The following PRDM16 variants were observed in gnomAD, a reference collection of about 807,000 sequenced individuals.
PRDM16 encodes the protein histone-lysine N-methyltransferase PRDM16.
Under a neutral mutation model 110.6 loss-of-function variants are expected in PRDM16, and 23 were observed. The ratio of observed to expected loss-of-function variants is 0.21; its 90% CI spans 0.15 to 0.29. The LOEUF is 0.29. Ranked by LOEUF, PRDM16 falls within the 10% of genes least tolerant of loss-of-function variation. The probability of loss-of-function intolerance (pLI) is 1.00; values close to 1 mark genes in which losing one functional copy is unlikely to be tolerated. For missense variants in PRDM16, 1,615 were observed against 1,794.3 expected (o/e 0.90, Z 1.81); for synonymous variants, 799 against 781.8 (o/e 1.02, Z -0.37).
At chr1:3,221,864 A>G (rs1639158444) in intron 2 of PRDM16, among the ~76,000 whole-genome samples, 1 of 152,262 alleles carries the variant, frequency 6.6e-6, no homozygotes, top group Non-Finnish European at 1.5e-5. Flanking sequence ...TTCCTCATGG[A>G]GAATTCACTC....
At chr1:3,408,375 AGAG>A (rs1429806579) in intron 8 of PRDM16, among the ~76,000 whole-genome samples, 4 of 152,302 alleles carry the variant, frequency 2.6e-5, no homozygotes, top group Admixed American at 2.0e-4. Flanking sequence ...GAGCGAGAGG[AGAG>A]GAGAACAGGA....
chr1:3,111,389 A>G (rs1240725107), intron 1 of PRDM16, among the ~76,000 whole-genome samples: 1 of 145,530 alleles, frequency 6.9e-6, no homozygotes, highest in African/African-American at 2.5e-5. Flanking sequence ...AAGTCCACAC[A>G]TGGAGGCAGG....
In PRDM16 at chr1:3,435,457, A is replaced by G. The variant is rs1638881965; in HGVS notation, c.*1646A>G. The G allele has an allele frequency of 4.3e-6, 1 of 230,472 alleles. No individual in the cohort carries two copies. The highest frequency in any genetic ancestry group is 1.8e-4 in the South Asian group (1 of 5,504). The allele number at this position is 230,472 out of a possible 1,614,324, so 14.3% of individuals were successfully genotyped here. ...TGTCCCTGCTGCCGTTTACCAGACA[A>G]TCATATGTTTTTGTTAAATTTGCGT... On this transcript the variant is annotated 3_prime_UTR_variant, in exon 17 of 17. Transcript: ENST00000270722.
chr1:3,378,010 C>T (rs761530921), intron 3 of PRDM16, among the ~76,000 whole-genome samples: 8 of 152,174 alleles, frequency 5.3e-5, no homozygotes, highest in Non-Finnish European at 1.0e-4. Context: ...AAAACAGGCC[C>T]GGCTCCCAGA....
chr1:3,121,779 G>C (rs866270176), intron 1 of PRDM16, among the ~76,000 whole-genome samples: 3 of 152,168 alleles, frequency 2.0e-5, no homozygotes, highest in Non-Finnish European at 4.4e-5. Context: ...CTGCGGGGCC[G>C]GCCAGGCCTC....
At chr1:3,203,165 G>C (rs4308918) in intron 2 of PRDM16, among the ~76,000 whole-genome samples, 2 of 152,188 alleles carry the variant, frequency 1.3e-5, no homozygotes, top group African/African-American at 2.4e-5. Context: ...GAACCTCGTC[G>C]TCTGTTGCTT....
At chr1:3,073,839 C>G (rs1269089004) in intron 1 of PRDM16, among the ~76,000 whole-genome samples, 2 of 152,092 alleles carry the variant, frequency 1.3e-5, no homozygotes, top group African/African-American at 4.8e-5. Context: ...CAGCTTGGAC[C>G]CCGGGGTCCC....
intron 3 of PRDM16, among the ~76,000 whole-genome samples, chr1:3,264,943 T>C (rs1640252849): frequency 6.6e-6 from 1 of 151,996 alleles, no homozygotes. Flanking sequence ...GGCAAGGGAC[T>C]GGGCAGTGGA....
intron 3 of PRDM16, among the ~76,000 whole-genome samples, chr1:3,348,830 C>G (rs1302031536): frequency 6.6e-6 from 1 of 152,198 alleles, no homozygotes; most frequent in African/African-American, 2.4e-5. Context: ...CTCAGAGCTT[C>G]CCGCATCTGC....
intron 3 of PRDM16, among the ~76,000 whole-genome samples, chr1:3,293,412 G>C (rs1402106440): frequency 1.3e-5 from 2 of 152,204 alleles, no homozygotes; most frequent in African/African-American, 2.4e-5. Context: ...TGTGGGTAAA[G>C]GTTGTATTGC....
chr1:3,145,920 A>G, intron 1 of PRDM16, among the ~76,000 whole-genome samples: 1 of 152,066 alleles, frequency 6.6e-6, no homozygotes, highest in East Asian at 1.9e-4. Flanking sequence ...GACGTCCTGG[A>G]GAGGTCCCCC....
At chr1:3,288,122 G>A (rs1003908089) in intron 3 of PRDM16, among the ~76,000 whole-genome samples, 21 of 152,230 alleles carry the variant, frequency 1.4e-4, no homozygotes, top group African/African-American at 4.3e-4. Flanking sequence ...TCCACACAGC[G>A]CATGACAAAC....
chr1:3,411,718 C>A lies in PRDM16; in HGVS notation c.1521C>A (p.Phe507Leu), dbSNP rs981777423. The A allele has an allele frequency of 6.2e-7, 1 of 1,611,328 alleles. No homozygotes were observed. Among genetic ancestry groups the A allele is most frequent in the African/African-American group, 1.3e-5 (1 of 75,022 alleles). Reference sequence around the variant, plus strand: ...CCTTCTCCACGGCGCCTCCCACGTTCCCCGCACTCACCCCCGGCTTCCCGG... The same window carrying A: ...CCTTCTCCACGGCGCCTCCCACGTTACCCGCACTCACCCCCGGCTTCCCGG... ...SLPFSTAPPT[F>L]PALTPGFPGI... Residue 507 changes from phenylalanine (F) to leucine (L), a missense_variant, in exon 9 of 17, where the codon TTC becomes TTA. Phe to Leu is a conservative substitution (Grantham distance 22). This residue lies in a region of PRDM16 where 772 missense variants were observed against 748.3 expected (regional missense o/e 1.03). Transcript: ENST00000270722.
Position 3,245,812 on chromosome 1 carries a change from T to A in PRDM16, c.438+1675T>A, listed in dbSNP as rs1487368870. Among the ~76,000 whole-genome samples, 1 of 152,122 alleles carries A rather than the reference T, an allele frequency of 6.6e-6. No homozygotes were observed. Among genetic ancestry groups the A allele is most frequent in the Non-Finnish European group, 1.5e-5 (1 of 68,024 alleles). On this transcript the variant is annotated intron_variant, in intron 3 of 16. Transcript: ENST00000270722. This position sits in a 1 kb window ranked among gnomAD's most constrained non-coding sequence, Gnocchi z 4.7. ...TTCCGAGAACTGCAGTATTTTCACT[T>A]CCCACAAAAAGTGACCTGCAGTTAG...
intron 2 of PRDM16, among the ~76,000 whole-genome samples, chr1:3,228,666 C>A (rs2100880383): frequency 6.6e-6 from 1 of 152,306 alleles, no homozygotes; most frequent in African/African-American, 2.4e-5. Context: ...TACATATCAT[C>A]CCTCATGAGC....
rs115042084 is a variant in PRDM16 at position 3,283,905 on chromosome 1, G to A, written c.438+39768G>A. Among the ~76,000 whole-genome samples the A allele has an allele frequency of 8.2e-3, 1,249 of 152,356 alleles. 28 individuals carry two copies. The highest frequency in any genetic ancestry group is 0.029 in the African/African-American group (1,192 of 41,580). On this transcript the variant is annotated intron_variant, in intron 3 of 16. Coordinates refer to ENST00000270722, the MANE Select transcript of PRDM16 (RefSeq NM_022114.4). Reference sequence around the variant, plus strand: ...GATCTGCAGGAGCCCAGGTGCCTCCGCGGGAGGAATGTGGCTCAGATTCGG... The same window carrying A: ...GATCTGCAGGAGCCCAGGTGCCTCCACGGGAGGAATGTGGCTCAGATTCGG...
chr1:3,204,775 C>T (rs1638714233), intron 2 of PRDM16, among the ~76,000 whole-genome samples: 4 of 152,200 alleles, frequency 2.6e-5, no homozygotes, highest in Admixed American at 2.0e-4. Flanking sequence ...GGTTGCTCAC[C>T]CTTGAAGGCC....
At chr1:3,269,104 G>A (rs1272898525) in intron 3 of PRDM16, among the ~76,000 whole-genome samples, 1 of 152,250 alleles carries the variant, frequency 6.6e-6, no homozygotes, top group African/African-American at 2.4e-5. Flanking sequence ...TGGGCTTTGG[G>A]ATGGGCTTTA....
chr1:3,398,603 A>G (rs1171826487), intron 5 of PRDM16, among the ~76,000 whole-genome samples: 2 of 152,210 alleles, frequency 1.3e-5, no homozygotes, highest in Admixed American at 1.3e-4. Flanking sequence ...CGTAGACGCC[A>G]CTTAATTGTG....
Sources: allele counts gnomAD v4.1 joint callset (sites outside exome capture counted in the v4.1 genomes callset), GRCh38; gene constraint gnomAD v4.1.1; regional missense constraint gnomAD v4.1.1; non-coding constraint Gnocchi (gnomAD v3.1); transcripts MANE v1.5; gene names NCBI Gene and HGNC (gene_info 2026-07-23, HGNC 2026-07-21).